The following CLIC5 variants were observed in gnomAD, a reference collection of about 807,000 sequenced individuals.
CLIC5 encodes CLIC family member 5.
CLIC5 carries 20 observed loss-of-function variants against 24.7 expected under a neutral mutation model. The observed-to-expected ratio is 0.81, with a 90% CI of 0.57 to 1.18. The LOEUF (loss-of-function observed/expected upper bound fraction) is 1.18, where lower values mean the gene tolerates loss of function less well. Among genes scored for constraint, CLIC5 ranks in the 50% most tolerant of loss-of-function variants. The pLI is 0.00. For synonymous variants in CLIC5, 159 were observed against 135.6 expected (o/e 1.17, Z -1.20); for missense variants, 341 against 326.1 (o/e 1.05, Z -0.35).
intron 1 of CLIC5, among the ~76,000 whole-genome samples, chr6:45,958,435 T>TATATATATATACACACACACACACAC (rs1243202235): frequency 5.3e-4 from 3 of 5,610 alleles, no homozygotes; most frequent in Non-Finnish European, 1.9e-3. Flanking sequence ...TATATATATA[T>TATATATATATACACACACACACACAC]ATATATATAT....
intron 1 of CLIC5, among the ~76,000 whole-genome samples, chr6:45,983,234 G>T (rs1765623826): frequency 6.6e-6 from 1 of 152,186 alleles, no homozygotes; most frequent in Admixed American, 6.5e-5. Context: ...GAGGGAGGGT[G>T]AGAGGAATGC....
intron 1 of CLIC5, among the ~76,000 whole-genome samples, chr6:46,021,995 C>A (rs1165820403): frequency 1.3e-5 from 2 of 152,232 alleles, no homozygotes; most frequent in South Asian, 4.1e-4. Flanking sequence ...TTGCCATACC[C>A]ACTTTCCACA....
chr6:46,129,078 T>C, the CLIC5 span, among the ~76,000 whole-genome samples: 83 of 152,358 alleles, frequency 5.4e-4, 1 homozygote, highest in East Asian at 0.015. Context: ...ATGTGATTAA[T>C]ATTCTTAATT....
At chr6:45,956,660 AG>A (rs1764653818) in intron 1 of CLIC5, among the ~76,000 whole-genome samples, 1 of 152,188 alleles carries the variant, frequency 6.6e-6, no homozygotes, top group African/African-American at 2.4e-5. Flanking sequence ...GCAGGGGCTC[AG>A]GTTTATAATG....
At chr6:45,964,290 CT>C (rs1764946869) in intron 1 of CLIC5, among the ~76,000 whole-genome samples, 1 of 152,200 alleles carries the variant, frequency 6.6e-6, no homozygotes, top group African/African-American at 2.4e-5. Context: ...AATTCCTCCC[CT>C]GACACCAACC....
At position 45,946,108 on chromosome 6, in the gene CLIC5, G is replaced by A. The variant is rs114983206; in HGVS notation, c.299+3148C>T. Among the ~76,000 whole-genome samples the A allele has an allele frequency of 3.4e-3, 513 of 152,344 alleles. 2 individuals carry two copies. Among genetic ancestry groups the A allele is most frequent in the African/African-American group, 0.012 (486 of 41,572 alleles). On this transcript the variant is annotated intron_variant, in intron 3 of 5. Transcript: ENST00000339561. ...TTTTAGAGATGAGAAGGCAAGGAGGGTCTGAGCGGGAGAGAGGCTTGTCCA... is the reference window on the plus strand; with the variant it reads ...TTTTAGAGATGAGAAGGCAAGGAGGATCTGAGCGGGAGAGAGGCTTGTCCA...
intron 1 of CLIC5, among the ~76,000 whole-genome samples, chr6:46,067,409 C>A (rs1370124900): frequency 6.6e-6 from 1 of 152,158 alleles, no homozygotes; most frequent in Non-Finnish European, 1.5e-5. Context: ...AGCTGATATT[C>A]TCTCCCGCAG....
chr6:45,968,696 G>A (rs1765095779), intron 1 of CLIC5, among the ~76,000 whole-genome samples: 1 of 152,146 alleles, frequency 6.6e-6, no homozygotes, highest in African/African-American at 2.4e-5. Context: ...AATTGGAGGC[G>A]GGTGACTATA....
rs984263705 is a variant in CLIC5, at chr6:46,010,211, G to C, written c.63+5269C>G. Among the ~76,000 whole-genome samples the C allele has an allele frequency of 1.1e-4, 17 of 152,240 alleles. No homozygotes were observed. In the East Asian group the frequency reaches 2.7e-3, roughly 24 times the overall value. ...GGTAGGACTGAGCCTCTGACTTCTT[G>C]TACACATCAAGGGAGGGAAGCCCAA... On this transcript the variant is annotated intron_variant, in intron 1 of 5. Transcript: ENST00000339561.
intron 2 of CLIC5, among the ~76,000 whole-genome samples, chr6:45,951,563 C>A (rs1335315721): frequency 6.6e-6 from 1 of 151,702 alleles, no homozygotes; most frequent in Non-Finnish European, 1.5e-5. Context: ...AATGCAAGAG[C>A]AAGAATGGAG....
chr6:46,120,442 C>G, the CLIC5 span, among the ~76,000 whole-genome samples: 2 of 152,194 alleles, frequency 1.3e-5, no homozygotes, highest in African/African-American at 2.4e-5. Context: ...ACGTCACCAT[C>G]ATCAAAGACC....
intron 4 of CLIC5, among the ~76,000 whole-genome samples, chr6:45,939,473 G>C (rs980738106): frequency 3.9e-5 from 6 of 151,940 alleles, no homozygotes; most frequent in African/African-American, 1.5e-4. Flanking sequence ...ATGTAGTCAA[G>C]AGCCACCACA....
intron 1 of CLIC5, among the ~76,000 whole-genome samples, chr6:46,073,841 C>T (rs969307200): frequency 6.6e-6 from 1 of 152,246 alleles, no homozygotes; most frequent in Non-Finnish European, 1.5e-5. Flanking sequence ...CTTTGAGCCA[C>T]ATCTCAACAT....
intron 1 of CLIC5, among the ~76,000 whole-genome samples, chr6:45,999,770 G>C (rs1333390115): frequency 1.6e-4 from 3 of 19,210 alleles, no homozygotes; most frequent in African/African-American, 6.0e-4. Flanking sequence ...ACGGAGTCTC[G>C]CTCTGTCGCC....
chr6:46,048,516 T>C (rs1238343641), intron 1 of CLIC5, among the ~76,000 whole-genome samples: 8 of 152,164 alleles, frequency 5.3e-5, no homozygotes, highest in African/African-American at 1.9e-4. Flanking sequence ...GCATCTTTCT[T>C]TCCAGTCTCT....
intron 4 of CLIC5, among the ~76,000 whole-genome samples, chr6:45,940,485 G>A (rs770702978): frequency 8.5e-5 from 13 of 152,134 alleles, no homozygotes; most frequent in Non-Finnish European, 1.5e-4. Flanking sequence ...CCATGATTTC[G>A]TCTCTTTTAC....
At chr6:46,058,023 A>G (rs1768308716) in intron 1 of CLIC5, among the ~76,000 whole-genome samples, 1 of 152,150 alleles carries the variant, frequency 6.6e-6, no homozygotes, top group Non-Finnish European at 1.5e-5. Flanking sequence ...CCTGCCCCTG[A>G]AAGATCAATC....
the CLIC5 span, among the ~76,000 whole-genome samples, chr6:46,116,164 T>A: frequency 1.3e-5 from 2 of 152,120 alleles, no homozygotes; most frequent in Non-Finnish European, 2.9e-5. Flanking sequence ...TTGGAGAGAA[T>A]TTGACGCCTT....
chr6:46,122,885 A>T, the CLIC5 span: 2 of 152,262 alleles, frequency 1.3e-5, no homozygotes, highest in African/African-American at 4.8e-5. Flanking sequence ...AACCAGGAAG[A>T]AGTTGAATCT....
Sources: allele counts gnomAD v4.1 joint callset (sites outside exome capture counted in the v4.1 genomes callset), GRCh38; gene constraint gnomAD v4.1.1; transcripts MANE v1.5; gene names NCBI Gene and HGNC (gene_info 2026-07-23, HGNC 2026-07-21).